The following CFAP65 variants were observed in gnomAD, a reference collection of about 807,000 sequenced individuals.
CFAP65 encodes cilia- and flagella-associated protein 65.
CFAP65 carries 155 observed loss-of-function variants against 208.0 expected under a neutral mutation model. That is an observed-to-expected ratio of 0.75 (90% CI 0.65 to 0.85). CFAP65 has a LOEUF of 0.85. Among genes scored for constraint, CFAP65 ranks in the 40% least tolerant of loss-of-function variants. CFAP65 has a pLI of 0.00. For missense variants in CFAP65, 2,294 were observed against 2,451.3 expected, an observed-to-expected ratio of 0.94 and a Z score of 1.36; for synonymous variants, 970 against 986.3, an observed-to-expected ratio of 0.98 and a Z score of 0.31.
chr2:219,013,715 T>G, intron 22 of CFAP65, 130 bp from the exon 23 acceptor site: 1 of 1,173,022 alleles, frequency 8.5e-7, no homozygotes, highest in Non-Finnish European at 1.3e-6. Context: ...TGAGTTGGGA[T>G]GGGGCAAGAA....
In CFAP65 at chr2:219,018,882, G is replaced by A. The variant is rs558175398; in HGVS notation, c.3602+169C>T. On this transcript the variant is annotated intron_variant, in intron 21 of 34. Transcript: ENST00000341552. ...CAGCCGGTGACAGGCCCGGAGTCCT[G>A]CTGGCAACCCCAGTTCCACCCTGGC... 1.4e-3 allele frequency: 1,231 copies of A among 868,196 alleles called. 9 individuals are homozygous for A. Among genetic ancestry groups the A allele is most frequent in the Non-Finnish European group, 1.8e-3 (988 of 543,746 alleles). The allele number at this position is 868,196 out of a possible 1,614,324, so 53.8% of individuals were successfully genotyped here.
At position 219,028,206 on chromosome 2, in the gene CFAP65, T is replaced by C. The variant is rs149461573; in HGVS notation, c.1846A>G (p.Ile616Val). The change falls in exon 12 of 35, where the codon ATC (isoleucine) becomes GTC (valine). Residue 616 changes from isoleucine (I) to valine (V), a missense_variant. Around this residue, in one of 2 missense-constraint regions of CFAP65, gnomAD observed 867 missense variants for 1,012.6 expected, o/e 0.86. Coordinates refer to ENST00000341552, the MANE Select transcript of CFAP65 (RefSeq NM_194302.4). Reference sequence around the variant, plus strand: ...AGCTGGGGAGGGCACTGTACCTGGATGGGAATCATGAGAGCCCCGTTCTGG... The same window carrying C: ...AGCTGGGGAGGGCACTGTACCTGGACGGGAATCATGAGAGCCCCGTTCTGG... ...QDQNGALMIPIQDLEDMPAPQ... is the reference protein window; with the variant it reads ...QDQNGALMIPVQDLEDMPAPQ... The C allele has an allele frequency of 2.8e-5, 45 of 1,613,786 alleles. No individual in the cohort carries two copies. The African/African-American group carries it at 5.5e-4, about 20-fold the overall frequency.
At position 219,035,469 on chromosome 2, in the gene CFAP65, T is replaced by C; in HGVS notation, c.542+11A>G. 1 of 1,614,166 alleles carries C rather than the reference T, an allele frequency of 6.2e-7. No homozygotes were observed. The highest frequency in any genetic ancestry group is 8.5e-7 in the Non-Finnish European group (1 of 1,180,014). ...CTGTGGCACTGGGTCCTTGATCCCT[T>C]ATACTGGTACCTGTACTTCATCTTC... On this transcript the variant is annotated intron_variant, in intron 5 of 34. Coordinates refer to ENST00000341552, the MANE Select transcript of CFAP65 (RefSeq NM_194302.4).
chr2:219,007,575 G>A (rs531021157), intron 29 of CFAP65, among the ~76,000 whole-genome samples: 1 of 152,292 alleles, frequency 6.6e-6, no homozygotes, highest in East Asian at 1.9e-4. Context: ...GGTGATTGAG[G>A]AGCAAGAATA....
chr2:219,010,234 A>G (rs1946379123), intron 26 of CFAP65, 149 bp from the exon 27 acceptor site: 2 of 730,248 alleles, frequency 2.7e-6, no homozygotes. Flanking sequence ...GACACCTTTC[A>G]ACACCCCCAC....
chr2:219,024,346 G>A lies in CFAP65; in HGVS notation c.2350-86C>T. ...TCAGGGCCCTATGGGGGCTTGGGAG[G>A]AGCTGTCTCCAAGTAGATCAGAGGT... On this transcript the variant is annotated intron_variant, in intron 14 of 34. Transcript: ENST00000341552. 3.3e-6 allele frequency: 5 copies of A among 1,502,370 alleles called. No individual in the cohort carries two copies. The South Asian group carries it at 3.9e-5, about 12-fold the overall frequency. 93.1% of individuals were successfully genotyped at this position (1,502,370 alleles called of 1,614,324 possible). A position where few individuals can be genotyped will look rare whatever the true frequency, so the allele number is the denominator to read the frequency against.
chr2:219,025,016 T>C (rs1294650897), intron 14 of CFAP65, among the ~76,000 whole-genome samples: 1 of 152,128 alleles, frequency 6.6e-6, no homozygotes, highest in Non-Finnish European at 1.5e-5. Context: ...GCCCAGATAA[T>C]CTCAGCTCCC....
intron 5 of CFAP65, among the ~76,000 whole-genome samples, chr2:219,033,089 T>TA (rs1428698556): frequency 6.6e-6 from 1 of 152,188 alleles, no homozygotes; most frequent in African/African-American, 2.4e-5. Context: ...CTATAAAATA[T>TA]AATTTACCAA....
chr2:219,020,793 A>G (rs1445349482), intron 19 of CFAP65, among the ~76,000 whole-genome samples: 2 of 152,074 alleles, frequency 1.3e-5, no homozygotes, highest in Admixed American at 6.5e-5. Context: ...CCCAGTCCAC[A>G]CTCTCAATTT....
Position 219,031,295 on chromosome 2 carries a change from T to G in CFAP65, c.826A>C (p.Thr276Pro). 1 of 1,613,436 alleles carries G rather than the reference T, an allele frequency of 6.2e-7. No homozygotes were observed. The highest frequency in any genetic ancestry group is 8.5e-7 in the Non-Finnish European group (1 of 1,179,590). ...CTGGAGAACTCCCAGGTGAAGAAGGTGGGCAGGTCCCTGGGGGTGGGGGGC... is the reference window on the plus strand; with the variant it reads ...CTGGAGAACTCCCAGGTGAAGAAGGGGGGCAGGTCCCTGGGGGTGGGGGGC... Reference protein sequence around the residue: ...FCLDNVGDLPTFFTWEFSSPF... With the variant: ...FCLDNVGDLPPFFTWEFSSPF... Residue 276 changes from threonine to proline, a missense_variant, in exon 8 of 35, where the codon ACC (threonine) becomes CCC (proline). Around this residue, in one of 2 missense-constraint regions of CFAP65, gnomAD observed 867 missense variants for 1,012.6 expected, o/e 0.86. Coordinates refer to ENST00000341552, the MANE Select transcript of CFAP65 (RefSeq NM_194302.4). The surrounding 1 kb of genome is among the most constrained non-coding windows in gnomAD (Gnocchi z 5.2).
intron 12 of CFAP65, 29 bp downstream of exon 12, chr2:219,028,172 G>A (rs1559149871): frequency 6.2e-7 from 1 of 1,610,374 alleles, no homozygotes; most frequent in Non-Finnish European, 8.5e-7. Flanking sequence ...CACTAGAGAA[G>A]GGATATGCAG....
intron 4 of CFAP65, among the ~76,000 whole-genome samples, chr2:219,036,593 C>T (rs995749944): frequency 2.0e-5 from 3 of 152,032 alleles, no homozygotes; most frequent in African/African-American, 7.3e-5. Flanking sequence ...TACAGGCACC[C>T]GCCATCATGC....
intron 1 of CFAP65, among the ~76,000 whole-genome samples, chr2:219,041,146 A>G (rs1948635076): frequency 6.6e-6 from 1 of 152,234 alleles, no homozygotes. Flanking sequence ...TTTAAAAAAT[A>G]TATATCATGA....
In CFAP65 at chr2:219,010,033, C is replaced by G. The variant is rs369153078; in HGVS notation, c.4361G>C (p.Ser1454Thr). The change falls in exon 27 of 35, where the codon AGC becomes ACC. Residue 1454 changes from serine to threonine, a missense_variant. This residue lies in a region of CFAP65 where 1,427 missense variants were observed against 1,438.7 expected (regional missense o/e 0.99). Transcript: ENST00000341552. ...HISLGNIPVQ[S>T]KCSRLLFLNN... Reference sequence around the variant, plus strand: ...GAGGAAGAGCAGGCGGCTGCACTTGCTCTGCACAGGTATGTTTCCCAGGGA... The same window carrying G: ...GAGGAAGAGCAGGCGGCTGCACTTGGTCTGCACAGGTATGTTTCCCAGGGA... The G allele has an allele frequency of 6.8e-6, 11 of 1,612,484 alleles. No homozygotes were observed. The highest frequency in any genetic ancestry group is 9.3e-6 in the Non-Finnish European group (11 of 1,179,462).
chr2:219,024,127 A>T lies in CFAP65; in HGVS notation c.2483T>A (p.Leu828His), dbSNP rs1947457057. 6.2e-7 allele frequency: 1 copy of T among 1,614,058 alleles called. No homozygotes were observed. Among genetic ancestry groups the T allele is most frequent in the African/African-American group, 1.3e-5 (1 of 75,074 alleles). Reference protein sequence around the residue: ...SDVILRPTSGLVAPGAHQIIL... With the variant: ...SDVILRPTSGHVAPGAHQIIL... ...GATCTGGTGGGCCCCGGGTGCCACA[A>T]GGCCCGAAGTGGGCCGAAGGATGAC... Residue 828 changes from leucine to histidine, a missense_variant, in exon 15 of 35, where the codon CTT becomes CAT. Leu to His is a moderately conservative substitution (Grantham distance 99, BLOSUM62 -3). Coordinates refer to ENST00000341552, the MANE Select transcript of CFAP65 (RefSeq NM_194302.4).
chr2:219,020,961 C>T (rs1333122223), intron 19 of CFAP65, among the ~76,000 whole-genome samples, 191 bp downstream of exon 19: 1 of 152,246 alleles, frequency 6.6e-6, no homozygotes, highest in African/African-American at 2.4e-5. Context: ...GGCACATGCA[C>T]ATATGGACAC....
At chr2:219,036,624 T>C (rs192774927) in intron 4 of CFAP65, among the ~76,000 whole-genome samples, 8 of 152,180 alleles carry the variant, frequency 5.3e-5, no homozygotes, top group African/African-American at 1.9e-4. Flanking sequence ...TTTGTATTTC[T>C]GTAGAGATGG....
intron 24 of CFAP65, among the ~76,000 whole-genome samples, chr2:219,011,537 C>T (rs1160829032): frequency 1.3e-5 from 2 of 152,096 alleles, no homozygotes; most frequent in Non-Finnish European, 2.9e-5. Flanking sequence ...CCACCTTGGC[C>T]TCCCATATTA....
In CFAP65 at chr2:219,032,541, T is replaced by C; in HGVS notation, c.574A>G (p.Ile192Val). Residue 192 changes from isoleucine to valine, a missense_variant, in exon 6 of 35, where the codon ATC becomes GTC. Physicochemically the swap from Ile to Val is conservative, Grantham distance 29. Around this residue, in one of 2 missense-constraint regions of CFAP65, gnomAD observed 867 missense variants for 1,012.6 expected, o/e 0.86. Transcript: ENST00000341552. The surrounding 1 kb of genome is among the most constrained non-coding windows in gnomAD (Gnocchi z 5.5). The stretch of plus-strand genomic sequence containing the variant: ...GGGCTCAGGAAGATGGGCTGAGGGA[T>C]GACCGTGAAGAAGAACTTGGTCTTG... Reference protein sequence around the residue: ...PPKTKFFFTVIPQPIFLSPGI... With the variant: ...PPKTKFFFTVVPQPIFLSPGI... 6.2e-7 allele frequency: 1 copy of C among 1,606,572 alleles called. No individual in the cohort carries two copies. Among genetic ancestry groups the C allele is most frequent in the Non-Finnish European group, 8.5e-7 (1 of 1,176,636 alleles).
Sources: gnomAD v4.1 joint callset for allele counts (sites outside exome capture counted in the v4.1 genomes callset) on GRCh38, gnomAD v4.1.1 for gene constraint, gnomAD v4.1.1 regional missense constraint, Gnocchi (gnomAD v3.1) non-coding constraint, MANE v1.5 for transcripts, NCBI Gene and HGNC (gene_info 2026-07-23, HGNC 2026-07-21) for gene names.